The following RUFY4 variants were observed in gnomAD, a reference collection of about 807,000 sequenced individuals.
RUFY4 encodes RUN and FYVE domain-containing protein 4.
In RUFY4, 73 loss-of-function variants were observed where a neutral mutation model predicts 69.0. The ratio of observed to expected loss-of-function variants is 1.06; its 90% confidence interval spans 0.88 to 1.29. RUFY4 has a LOEUF of 1.29. Among genes scored for constraint, RUFY4 ranks in the 50% most tolerant of loss-of-function variants. The pLI is 0.00. For missense variants in RUFY4, 770 were observed against 705.6 expected, an observed-to-expected ratio of 1.09 and a Z score of -1.03; for synonymous variants, 287 against 271.8, an observed-to-expected ratio of 1.06 and a Z score of -0.55.
chr2:218,041,044 A>T (rs1450744374), intron 2 of RUFY4, among the ~76,000 whole-genome samples: 1 of 151,780 alleles, frequency 6.6e-6, no homozygotes, highest in Non-Finnish European at 1.5e-5. Flanking sequence ...ATCTGAAAGG[A>T]CGTTTACACT....
At chr2:218,062,896 G>A (rs1689235431) in intron 3 of RUFY4, among the ~76,000 whole-genome samples, 1 of 152,174 alleles carries the variant, frequency 6.6e-6, no homozygotes, top group Non-Finnish European at 1.5e-5. Context: ...ACGGCGGCAG[G>A]AAGCAGAGAA....
In RUFY4 at chr2:218,075,041, G is replaced by A. The variant is rs140167485; in HGVS notation, c.601-52G>A. On this transcript the variant is annotated intron_variant, in intron 6 of 10. Transcript: ENST00000344321. Reference sequence around the variant, plus strand: ...ACTGTGGCCTAATCTAATGGCACCAGGTCAGTGAATTGGTGCTGAGAGGGA... The same window carrying A: ...ACTGTGGCCTAATCTAATGGCACCAAGTCAGTGAATTGGTGCTGAGAGGGA... 7.1e-5 allele frequency: 104 copies of A among 1,458,722 alleles called. No individual in the cohort carries two copies. The African/African-American group carries it at 1.2e-3, about 17-fold the overall frequency. 90.4% of individuals were successfully genotyped at this position (1,458,722 alleles called of 1,614,324 possible). A position where few individuals can be genotyped will look rare whatever the true frequency, so the allele number is the denominator to read the frequency against.
chr2:218,072,367 G>A lies in RUFY4; in HGVS notation c.154-7G>A. ...TCTACACTTTCTTTGCCTCATTTTG[G>A]TTCTAGTTTGACCAGAAAGAGCAGA... On this transcript the variant is annotated splice_polypyrimidine_tract_variant and splice_region_variant and intron_variant, in intron 2 of 10. Coordinates refer to ENST00000344321, the Ensembl canonical transcript of RUFY4. 1.3e-6 allele frequency: 2 copies of A among 1,537,176 alleles called. No homozygotes were observed. Among genetic ancestry groups the A allele is most frequent in the Non-Finnish European group, 1.7e-6 (2 of 1,146,816 alleles).
At chr2:218,062,365 C>T (rs187933074) in intron 3 of RUFY4, among the ~76,000 whole-genome samples, 92 of 144,202 alleles carry the variant, frequency 6.4e-4, no homozygotes, top group Non-Finnish European at 1.1e-3. Context: ...GAGATTGCAC[C>T]ACTGCACTCC....
At chr2:218,055,394 CA>C (rs74531758) in intron 2 of RUFY4, among the ~76,000 whole-genome samples, 5,341 of 114,692 alleles carry the variant, frequency 0.047, 204 homozygotes, top group African/African-American at 0.1. Context: ...GACCCTGTCT[CA>C]AAAAAAAAAA....
intron 3 of RUFY4, among the ~76,000 whole-genome samples, chr2:218,063,874 G>A (rs1233051510): frequency 6.6e-6 from 1 of 152,128 alleles, no homozygotes; most frequent in African/African-American, 2.4e-5. Flanking sequence ...CACCTGAGCT[G>A]AGCTTCCACC....
chr2:218,076,378 T>C, intron 7 of RUFY4, 49 bp from the exon 10 acceptor site: 1 of 1,541,016 alleles, frequency 6.5e-7, no homozygotes, highest in East Asian at 2.5e-5. Flanking sequence ...AGCACTGGGG[T>C]CTCTGCCCTT....
chr2:218,051,034 T>C (rs1688930641), intron 2 of RUFY4, among the ~76,000 whole-genome samples: 1 of 152,202 alleles, frequency 6.6e-6, no homozygotes, highest in Non-Finnish European at 1.5e-5. Flanking sequence ...GTAAGTTCTT[T>C]TCATTTTTTA....
intron 2 of RUFY4, among the ~76,000 whole-genome samples, chr2:218,071,964 G>C (rs182165760): frequency 2.2e-4 from 34 of 152,318 alleles, no homozygotes; most frequent in Non-Finnish European, 4.4e-4. Context: ...GCACAGGAAA[G>C]GATGAGTAGG....
At chr2:218,087,144 G>C (rs953183951) in intron 9 of RUFY4, among the ~76,000 whole-genome samples, 3 of 151,918 alleles carry the variant, frequency 2.0e-5, no homozygotes, top group African/African-American at 7.2e-5. Flanking sequence ...TATAGAAACA[G>C]AACATAAATG....
exon 7 of RUFY4, chr2:218,075,356 G>C: frequency 6.2e-7 from 1 of 1,612,578 alleles, no homozygotes; most frequent in Non-Finnish European, 8.5e-7. Context: ...AGATCTTCCT[G>C]GGGAACTCAA....
chr2:218,089,872 G>A (rs2106080221), intron 10 of RUFY4, 80 bp from the exon 13 acceptor site: 1 of 936,954 alleles, frequency 1.1e-6, no homozygotes, highest in Non-Finnish European at 1.7e-6. Flanking sequence ...GAAGATGCTG[G>A]AACTCCATGA....
intron 10 of RUFY4, 65 bp from the exon 13 acceptor site, chr2:218,089,887 A>G: frequency 9.3e-7 from 1 of 1,079,110 alleles, no homozygotes; most frequent in Non-Finnish European, 1.4e-6. Flanking sequence ...CCATGACCTC[A>G]GCGCCCACTT....
At chr2:218,061,154 G>T (rs1475763065) in intron 3 of RUFY4, 2 of 445,868 alleles carry the variant, frequency 4.5e-6, no homozygotes, top group Non-Finnish European at 9.0e-6. Context: ...CAAGGCCAGG[G>T]TCAGCAGGTA....
chr2:218,043,165 C>G (rs939960311), intron 2 of RUFY4, among the ~76,000 whole-genome samples: 1 of 152,126 alleles, frequency 6.6e-6, no homozygotes, highest in Non-Finnish European at 1.5e-5. Context: ...GTCTTCAGCT[C>G]TCAGCAGAGA....
chr2:218,061,522 T>C (rs77286374), intron 3 of RUFY4: 10 of 166,694 alleles, frequency 6.0e-5, no homozygotes, highest in Non-Finnish European at 1.3e-4. Context: ...TAGGATTCTT[T>C]GTGTTGGCTT....
chr2:218,051,567 TTAAAA>T (rs1688943905), intron 2 of RUFY4, among the ~76,000 whole-genome samples: 3 of 125,282 alleles, frequency 2.4e-5, no homozygotes, highest in African/African-American at 8.6e-5. Flanking sequence ...TTCCAATATT[TTAAAA>T]AAAAAAAAAA....
At chr2:218,050,275 T>C (rs1311770084) in intron 2 of RUFY4, among the ~76,000 whole-genome samples, 1 of 152,164 alleles carries the variant, frequency 6.6e-6, no homozygotes, top group Non-Finnish European at 1.5e-5. Flanking sequence ...CCTTACTCAC[T>C]CTCCAGTGTC....
At chr2:218,063,231 G>A (rs1373456116) in intron 3 of RUFY4, among the ~76,000 whole-genome samples, 2 of 152,158 alleles carry the variant, frequency 1.3e-5, no homozygotes, top group Non-Finnish European at 2.9e-5. Context: ...TCTAAGGGAT[G>A]ACCATCCTAC....
Sources: allele counts gnomAD v4.1 joint callset (sites outside exome capture counted in the v4.1 genomes callset), GRCh38; gene constraint gnomAD v4.1.1; transcripts MANE v1.5; gene names NCBI Gene and HGNC (gene_info 2026-07-23, HGNC 2026-07-21).